SHCBP1L: variants seen among roughly 807,000 people sequenced by gnomAD.
SHCBP1L encodes the protein SHC binding and spindle associated 1 like.
SHCBP1L carries 67 observed loss-of-function variants against 62.5 expected under a neutral mutation model. That is an observed-to-expected ratio of 1.07 (90% CI 0.88 to 1.31). The LOEUF (loss-of-function observed/expected upper bound fraction) is 1.31. SHCBP1L is among the 40% of genes most tolerant of loss of function. SHCBP1L has a pLI of 0.00. For synonymous variants in SHCBP1L, 284 were observed against 289.4 expected (o/e 0.98, Z 0.19); for missense variants, 823 against 809.8 (o/e 1.02, Z -0.20).
chr1:182,927,373 A>C (rs1650801073), intron 6 of SHCBP1L, among the ~76,000 whole-genome samples: 1 of 151,994 alleles, frequency 6.6e-6, no homozygotes, highest in Non-Finnish European at 1.5e-5. Context: ...GGAAATTGTT[A>C]AAGCTTACAT....
chr1:182,924,896 A>G lies in SHCBP1L; in HGVS notation c.1182+4751T>C, dbSNP rs1031816978. Reference sequence around the variant, plus strand: ...AGAAGGAAGGAAGGGAAAGACAAAGAGAGAGAGAGAAAGAAAGGAAAGGAA... The same window carrying G: ...AGAAGGAAGGAAGGGAAAGACAAAGGGAGAGAGAGAAAGAAAGGAAAGGAA... On this transcript the variant is annotated intron_variant, in intron 6 of 9. Transcript: ENST00000367547. Among the ~76,000 whole-genome samples the G allele has an allele frequency of 3.1e-5, 4 of 127,016 alleles. No homozygotes were observed. The East Asian group carries it at 6.1e-4, about 19-fold the overall frequency. The allele number at this position is 127,016 out of a possible 152,430, so 83.3% of individuals were successfully genotyped here.
intron 6 of SHCBP1L, among the ~76,000 whole-genome samples, chr1:182,924,435 C>T (rs1239355456): frequency 1.3e-5 from 2 of 151,362 alleles, no homozygotes; most frequent in East Asian, 1.9e-4. Context: ...GTAGCTGGGA[C>T]TACAGGCGCC....
At chr1:182,930,566 T>TATATATATATACACATATATAC (rs1650942394) in intron 5 of SHCBP1L, among the ~76,000 whole-genome samples, 1 of 97,368 alleles carries the variant, frequency 1.0e-5, no homozygotes, top group Non-Finnish European at 1.9e-5. Context: ...TATATATATA[T>TATATATATATACACATATATAC]ATATATATAT....
chr1:182,914,872 C>T (rs1453733411), intron 6 of SHCBP1L, among the ~76,000 whole-genome samples: 2 of 151,804 alleles, frequency 1.3e-5, no homozygotes, highest in Non-Finnish European at 2.9e-5. Context: ...TATGATGTTA[C>T]AAGAATCTCA....
At chr1:182,950,928 T>C (rs1400820135) in intron 2 of SHCBP1L, among the ~76,000 whole-genome samples, 1 of 151,890 alleles carries the variant, frequency 6.6e-6, no homozygotes, top group Non-Finnish European at 1.5e-5. Context: ...AGTTTTCTGA[T>C]CCATTTCTTT....
At position 182,905,645 on chromosome 1, in the gene SHCBP1L, T is replaced by C. The variant is rs1205638047; in HGVS notation, c.1187A>G (p.Lys396Arg). The change falls in exon 7 of 10, where the codon AAG (lysine) becomes AGG (arginine). Residue 396 changes from lysine to arginine, a missense_variant. Physicochemically the swap from Lys to Arg is conservative, Grantham distance 26. Transcript: ENST00000367547. ...VAKMMTTEMI[K>R]DLSSDTLLQQ... ...GAGAAGTGTGTCTGAAGATAAATCCTTTATCTAAAAAGAAATAAAACACTT... is the reference window on the plus strand; with the variant it reads ...GAGAAGTGTGTCTGAAGATAAATCCCTTATCTAAAAAGAAATAAAACACTT... 19 of 1,608,856 alleles carry C rather than the reference T, an allele frequency of 1.2e-5. No homozygotes were observed. The highest frequency in any genetic ancestry group is 1.5e-5 in the Non-Finnish European group (18 of 1,178,830).
chr1:182,941,593 A>T (rs1651366966), intron 2 of SHCBP1L, among the ~76,000 whole-genome samples: 1 of 152,196 alleles, frequency 6.6e-6, no homozygotes, highest in Non-Finnish European at 1.5e-5. Context: ...GCACAATAAC[A>T]AAGTTATTAG....
At chr1:182,921,271 A>G (rs559449766) in intron 6 of SHCBP1L, among the ~76,000 whole-genome samples, 10 of 152,266 alleles carry the variant, frequency 6.6e-5, no homozygotes, top group Non-Finnish European at 1.2e-4. Context: ...TATCCACCCA[A>G]ACTAAGCTTC....
chr1:182,952,256 A>ACG, intron 1 of SHCBP1L, among the ~76,000 whole-genome samples: 1 of 129,546 alleles, frequency 7.7e-6, no homozygotes, highest in Non-Finnish European at 1.6e-5. Context: ...ACACACACAC[A>ACG]CACATTTATA....
chr1:182,928,500 A>G (rs1403503768), intron 6 of SHCBP1L, among the ~76,000 whole-genome samples: 1 of 152,180 alleles, frequency 6.6e-6, no homozygotes, highest in Non-Finnish European at 1.5e-5. Flanking sequence ...AAAGGTTGAG[A>G]AGGCCTTTTC....
chr1:182,928,965 A>C (rs1367942049), intron 6 of SHCBP1L, among the ~76,000 whole-genome samples: 1 of 152,166 alleles, frequency 6.6e-6, no homozygotes, highest in Admixed American at 6.5e-5. Context: ...GACAAGTACC[A>C]AGCATTTAGA....
At chr1:182,934,488 C>T (rs563504788) in intron 5 of SHCBP1L, among the ~76,000 whole-genome samples, 97 of 152,040 alleles carry the variant, frequency 6.4e-4, no homozygotes, top group Non-Finnish European at 1.2e-3. Flanking sequence ...TGTGTGTCTT[C>T]TTCGGTAAGG....
intron 2 of SHCBP1L, among the ~76,000 whole-genome samples, chr1:182,946,991 C>CT (rs1468342207): frequency 6.6e-6 from 1 of 152,164 alleles, no homozygotes; most frequent in Non-Finnish European, 1.5e-5. Context: ...AATCTCAGCA[C>CT]TTTGGGAGGC....
At position 182,900,108 on chromosome 1, in the gene SHCBP1L, C is replaced by A. The variant is rs755233170; in HGVS notation, c.1837G>T (p.Ala613Ser). 6.2e-7 allele frequency: 1 copy of A among 1,612,454 alleles called. No individual in the cohort carries two copies. The highest frequency in any genetic ancestry group is 8.5e-7 in the Non-Finnish European group (1 of 1,179,168). ...TCATCTTTTTTATCTCCTGAAGAAG[C>A]CCTTTTGTTGAGAGCTTCTTCTGCT... ...IVAEEALNKR[A>S]SSGDKKDDKM... The change falls in exon 10 of 10, where the codon GCT becomes TCT. Residue 613 changes from alanine to serine, a missense_variant. Transcript: ENST00000367547.
At chr1:182,929,480 G>T (rs573984673) in intron 6 of SHCBP1L, among the ~76,000 whole-genome samples, 167 bp downstream of exon 6, 1 of 152,248 alleles carries the variant, frequency 6.6e-6, no homozygotes, top group South Asian at 2.1e-4. Flanking sequence ...GTAAATAGTT[G>T]TCACCATTTA....
At chr1:182,943,031 A>G (rs768794406) in intron 2 of SHCBP1L, among the ~76,000 whole-genome samples, 4 of 152,242 alleles carry the variant, frequency 2.6e-5, no homozygotes, top group Non-Finnish European at 4.4e-5. Flanking sequence ...AATGATCTGC[A>G]ATCCATATTT....
At chr1:182,912,775 G>A (rs551826036) in intron 6 of SHCBP1L, among the ~76,000 whole-genome samples, 38 of 151,590 alleles carry the variant, frequency 2.5e-4, no homozygotes, top group East Asian at 9.9e-4. Flanking sequence ...CACCTGCCTC[G>A]GCCTCCCAAA....
At chr1:182,929,309 T>G (rs966740200) in intron 6 of SHCBP1L, among the ~76,000 whole-genome samples, 12 of 152,222 alleles carry the variant, frequency 7.9e-5, no homozygotes, top group African/African-American at 2.9e-4. Context: ...TATATACTTG[T>G]GTCCATATTT....
At chr1:182,949,098 C>A (rs1208469182) in intron 2 of SHCBP1L, among the ~76,000 whole-genome samples, 1 of 151,852 alleles carries the variant, frequency 6.6e-6, no homozygotes, top group Non-Finnish European at 1.5e-5. Flanking sequence ...TTAAGGTTAC[C>A]TAATCCACTG....
Sources: gnomAD v4.1 joint callset for allele counts (sites outside exome capture counted in the v4.1 genomes callset) on GRCh38, gnomAD v4.1.1 for gene constraint, MANE v1.5 for transcripts, NCBI Gene and HGNC (gene_info 2026-07-23, HGNC 2026-07-21) for gene names.